Variants in MICU1 observed in about 807,000 individuals in gnomAD.
The protein encoded by MICU1 is mitochondrial calcium uptake 1, also known as calcium uptake protein 1, mitochondrial.
Under a neutral mutation model 56.8 loss-of-function variants are expected in MICU1, and 45 were observed. The ratio of observed to expected loss-of-function variants is 0.79; its 90% CI spans 0.62 to 1.02. The LOEUF is 1.02. Ranked by LOEUF, MICU1 falls within the 50% of genes least tolerant of loss-of-function variation. The pLI, the probability that MICU1 is intolerant of heterozygous loss-of-function variation, is 0.00. For missense variants in MICU1, 504 were observed against 587.1 expected, an observed-to-expected ratio of 0.86 and a Z score of 1.46; for synonymous variants, 186 against 195.1, an observed-to-expected ratio of 0.95 and a Z score of 0.39.
intron 10 of MICU1, among the ~76,000 whole-genome samples, chr10:72,393,416 T>C (rs988916214): frequency 6.6e-6 from 1 of 152,134 alleles, no homozygotes; most frequent in Admixed American, 6.6e-5. Context: ...GCTAAATACA[T>C]GGAGATCCCA....
intron 6 of MICU1, among the ~76,000 whole-genome samples, chr10:72,502,146 G>GGT (rs1554881976): frequency 0.03 from 2,639 of 88,388 alleles, 37 homozygotes; most frequent in Non-Finnish European, 0.062. Flanking sequence ...TTGTTTTGCT[G>GGT]TTTTTTTTTT....
At position 72,416,303 on chromosome 10, in the gene MICU1, T is replaced by TAAC. The variant is rs563175819; in HGVS notation, c.1071+6928_1071+6930dup. On this transcript the variant is annotated intron_variant, in intron 9 of 11. Coordinates refer to ENST00000361114, the MANE Select transcript of MICU1 (RefSeq NM_001195518.2). Reference sequence around the variant, plus strand: ...AAGTACAGGTTTCAAAGCTAATTAGTAACAACAACAACAACAAAAAGTAGA... The same window carrying TAAC: ...AAGTACAGGTTTCAAAGCTAATTAGTAACAACAACAACAACAACAAAAAGTAGA... Among the ~76,000 whole-genome samples the TAAC allele has an allele frequency of 4.0e-4, 61 of 152,254 alleles. 1 individual carries two copies. The highest frequency in any genetic ancestry group is 1.2e-3 in the African/African-American group (48 of 41,556).
chr10:72,428,137 A>G (rs969281309), intron 8 of MICU1, among the ~76,000 whole-genome samples: 1 of 152,144 alleles, frequency 6.6e-6, no homozygotes, highest in African/African-American at 2.4e-5. Flanking sequence ...AACACTAACA[A>G]GGTTGTCTTT....
chr10:72,411,483 G>T (rs1589188687), intron 9 of MICU1, among the ~76,000 whole-genome samples: 1 of 151,838 alleles, frequency 6.6e-6, no homozygotes, highest in African/African-American at 2.4e-5. Flanking sequence ...GCCCACCACT[G>T]CACCCGGCTA....
intron 10 of MICU1, among the ~76,000 whole-genome samples, chr10:72,405,613 A>G (rs915549640): frequency 6.6e-6 from 1 of 152,130 alleles, no homozygotes; most frequent in Non-Finnish European, 1.5e-5. Flanking sequence ...ATCTGTCAAT[A>G]TTTAACAAAA....
intron 5 of MICU1, among the ~76,000 whole-genome samples, chr10:72,529,595 A>G (rs956435842): frequency 3.9e-5 from 6 of 152,182 alleles, no homozygotes; most frequent in Non-Finnish European, 8.8e-5. Context: ...TATTACATGC[A>G]ATAGAAACAG....
intron 1 of MICU1, among the ~76,000 whole-genome samples, chr10:72,612,625 T>C (rs938062233): frequency 2.6e-5 from 4 of 152,072 alleles, no homozygotes; most frequent in African/African-American, 7.2e-5. Context: ...AGCAAGACCC[T>C]GTCTCACAAA....
chr10:72,476,784 A>G (rs1866138621), intron 7 of MICU1, among the ~76,000 whole-genome samples: 1 of 152,144 alleles, frequency 6.6e-6, no homozygotes, highest in African/African-American at 2.4e-5. Flanking sequence ...ATGGTATGGC[A>G]CCATTTTTCC....
intron 2 of MICU1, among the ~76,000 whole-genome samples, chr10:72,563,956 A>G (rs1840361686): frequency 6.6e-6 from 1 of 152,200 alleles, no homozygotes; most frequent in South Asian, 2.1e-4. Flanking sequence ...ACTACAATAA[A>G]AAGGAACATA....
Position 72,407,204 on chromosome 10 carries a change from G to A in MICU1, c.1180+725C>T, listed in dbSNP as rs78384675. Among the ~76,000 whole-genome samples the A allele has an allele frequency of 7.3e-3, 1,105 of 152,174 alleles. 16 individuals are homozygous for A. The highest frequency in any genetic ancestry group is 0.025 in the African/African-American group (1,048 of 41,508). On this transcript the variant is annotated intron_variant, in intron 10 of 11. Coordinates refer to ENST00000361114, the MANE Select transcript of MICU1 (RefSeq NM_001195518.2). ...GTTAATATTCATACTGAACTAATTG[G>A]GAGTGAAGTATACTTACGTCTGCAA...
chr10:72,380,548 T>C (rs1275805854), intron 10 of MICU1, among the ~76,000 whole-genome samples: 1 of 152,188 alleles, frequency 6.6e-6, no homozygotes, highest in Non-Finnish European at 1.5e-5. Context: ...AGAAACTACA[T>C]ACATAAATCT....
At chr10:72,624,720 T>C (rs1336791801) in intron 1 of MICU1, among the ~76,000 whole-genome samples, 2 of 152,222 alleles carry the variant, frequency 1.3e-5, no homozygotes, top group East Asian at 3.8e-4. Flanking sequence ...ACTCAGAAGA[T>C]GTCAGAGACA....
chr10:72,471,588 T>G (rs1297286323), intron 8 of MICU1, among the ~76,000 whole-genome samples: 1 of 152,014 alleles, frequency 6.6e-6, no homozygotes, highest in East Asian at 1.9e-4. Context: ...TTTATTGTTT[T>G]TTTTAAATTT....
At chr10:72,532,158 A>C (rs1839504585) in intron 5 of MICU1, among the ~76,000 whole-genome samples, 1 of 152,068 alleles carries the variant, frequency 6.6e-6, no homozygotes, top group Admixed American at 6.5e-5. Flanking sequence ...TGTACTAAAA[A>C]TACAAAAAAA....
intron 9 of MICU1, among the ~76,000 whole-genome samples, chr10:72,418,128 C>G (rs7895287): frequency 2.6e-5 from 4 of 152,048 alleles, no homozygotes; most frequent in Non-Finnish European, 5.9e-5. Context: ...GGAAACTGCC[C>G]CATGATTCAA....
intron 1 of MICU1, among the ~76,000 whole-genome samples, chr10:72,597,214 G>A (rs985919892): frequency 1.3e-5 from 2 of 152,090 alleles, no homozygotes; most frequent in Admixed American, 6.6e-5. Flanking sequence ...CATATTCCTT[G>A]AGGAATACTC....
At chr10:72,578,248 A>G (rs1288074657) in intron 1 of MICU1, among the ~76,000 whole-genome samples, 2 of 151,778 alleles carry the variant, frequency 1.3e-5, no homozygotes, top group Non-Finnish European at 2.9e-5. Flanking sequence ...GATTGTTACC[A>G]TTTTTTAGCA....
At chr10:72,566,262 T>C (rs1385248819) in intron 2 of MICU1, among the ~76,000 whole-genome samples, 1 of 152,102 alleles carries the variant, frequency 6.6e-6, no homozygotes, top group East Asian at 1.9e-4. Context: ...GCCAAGCTGG[T>C]CTCAAACTCC....
chr10:72,493,592 A>G (rs1303534555), intron 6 of MICU1, among the ~76,000 whole-genome samples: 1 of 152,098 alleles, frequency 6.6e-6, no homozygotes, highest in Non-Finnish European at 1.5e-5. Flanking sequence ...AGCTAGGACT[A>G]TGGGTGCCCA....
Sources: gnomAD v4.1 joint callset for allele counts (sites outside exome capture counted in the v4.1 genomes callset) on GRCh38, gnomAD v4.1.1 for gene constraint, MANE v1.5 for transcripts, NCBI Gene and HGNC (gene_info 2026-07-23, HGNC 2026-07-21) for gene names.